The following UBAP2 variants were observed in gnomAD, a reference collection of about 807,000 sequenced individuals.
UBAP2 encodes the protein ubiquitin-associated protein 2.
In UBAP2, 75 loss-of-function variants were observed where a neutral mutation model predicts 139.6. The ratio of observed to expected loss-of-function variants is 0.54; its 90% CI spans 0.45 to 0.65. The LOEUF (loss-of-function observed/expected upper bound fraction) is 0.65. Among genes scored for constraint, UBAP2 ranks in the 30% least tolerant of loss-of-function variants. The pLI is 0.00. For synonymous variants in UBAP2, 526 were observed against 526.2 expected (o/e 1.00, Z 0.01); for missense variants, 1,368 against 1,369.6 (o/e 1.00, Z 0.02).
At chr9:34,042,252 G>A (rs1357803843) in intron 1 of UBAP2, among the ~76,000 whole-genome samples, 2 of 150,900 alleles carry the variant, frequency 1.3e-5, no homozygotes, top group Non-Finnish European at 3.0e-5. Context: ...GCTCAGGTGG[G>A]CGGATCATGA....
rs1169413179 is a variant in UBAP2, at chr9:34,002,514, A to G, written c.100-3650T>C. ...TGCCTCAGCCTCCTGAATAGCTAGG[A>G]TTACAGGTGCATGCCACCACGCCTG... On this transcript the variant is annotated intron_variant, in intron 2 of 28. Coordinates refer to ENST00000379238, the MANE Select transcript of UBAP2 (RefSeq NM_001370062.2). Among the ~76,000 whole-genome samples, 4 of 151,166 alleles carry G rather than the reference A, an allele frequency of 2.6e-5. No homozygotes were observed. In the Admixed American group the frequency reaches 2.6e-4, roughly 10 times the overall value.
Position 34,047,370 on chromosome 9 carries a change from G to T in UBAP2, c.-42+1455C>A, listed in dbSNP as rs146634288. 1.2e-3 allele frequency among the ~76,000 whole-genome samples: 184 copies of T among 152,282 alleles called. 1 individual carries two copies. The highest frequency in any genetic ancestry group is 0.011 in the Admixed American group (164 of 15,284). On this transcript the variant is annotated intron_variant, in intron 1 of 28. Coordinates refer to ENST00000379238, the MANE Select transcript of UBAP2 (RefSeq NM_001370062.2). Reference sequence around the variant, plus strand: ...CAACCCTAGCGAAGGGGCTCCACAGGTGAGTGTATTGAAGGAAACTATCAT... The same window carrying T: ...CAACCCTAGCGAAGGGGCTCCACAGTTGAGTGTATTGAAGGAAACTATCAT...
chr9:34,047,104 C>T (rs930633149), intron 1 of UBAP2, among the ~76,000 whole-genome samples: 2 of 152,102 alleles, frequency 1.3e-5, no homozygotes, highest in Non-Finnish European at 2.9e-5. Context: ...CCACCACTTT[C>T]GGGCATATTT....
intron 1 of UBAP2, among the ~76,000 whole-genome samples, chr9:34,031,348 C>T (rs893882450): frequency 2.0e-5 from 3 of 151,990 alleles, no homozygotes; most frequent in Non-Finnish European, 4.4e-5. Flanking sequence ...ACAAATTTAG[C>T]CAGGCGTGGT....
chr9:33,941,739 C>T lies in UBAP2; in HGVS notation c.1839G>A (p.Met613Ile). ...CAGAACTCTGGTCATAAGAGGAAGACATTGCTACTGGACTAGCAGAATTCA... is the reference window on the plus strand; with the variant it reads ...CAGAACTCTGGTCATAAGAGGAAGATATTGCTACTGGACTAGCAGAATTCA... Reference protein sequence around the residue: ...SSLNSASPVAMSSSYDQSSVH... With the variant: ...SSLNSASPVAISSSYDQSSVH... Residue 613 changes from methionine (M) to isoleucine (I), a missense_variant, in exon 16 of 29, where the codon ATG becomes ATA. Met to Ile is a conservative substitution (Grantham distance 10, BLOSUM62 1). Transcript: ENST00000379238. 1 of 1,614,102 alleles carries T rather than the reference C, an allele frequency of 6.2e-7. No homozygotes were observed.
Position 33,922,541 on chromosome 9 carries a change from T to TTGGAGGC in UBAP2, c.3316_3322dup (p.Lys1108SerfsTer46). ...GTATGGAGAGTTGCCGTAGGCAGGT[T>TTGGAGGC]TGGAGGCTTGAGACTTGGGCTGCAG... On this transcript the variant is annotated frameshift_variant, in exon 29 of 29. Transcript: ENST00000379238. LOFTEE classifies it high-confidence loss of function. The TTGGAGGC allele has an allele frequency of 6.2e-7, 1 of 1,613,956 alleles. No homozygotes were observed. Among genetic ancestry groups the TTGGAGGC allele is most frequent in the Non-Finnish European group, 8.5e-7 (1 of 1,179,982 alleles).
At chr9:34,019,546 T>C (rs1031316883) in intron 1 of UBAP2, among the ~76,000 whole-genome samples, 1 of 151,926 alleles carries the variant, frequency 6.6e-6, no homozygotes, top group Non-Finnish European at 1.5e-5. Context: ...GTATCACAGG[T>C]ATGGAGTTTC....
Position 34,011,584 on chromosome 9 carries a change from G to A in UBAP2, c.99+5466C>T, listed in dbSNP as rs905240949. Reference sequence around the variant, plus strand: ...TTGATAAACAATTCAATAAATATTTGATAAACAAAGCACCAAACATAAGAG... The same window carrying A: ...TTGATAAACAATTCAATAAATATTTAATAAACAAAGCACCAAACATAAGAG... On this transcript the variant is annotated intron_variant, in intron 2 of 28. Transcript: ENST00000379238. 14 of 962,680 alleles carry A rather than the reference G, an allele frequency of 1.5e-5. No individual in the cohort carries two copies. In the African/African-American group the frequency reaches 2.3e-4, roughly 16 times the overall value. 59.6% of individuals were successfully genotyped at this position (962,680 alleles called of 1,614,324 possible). A position where few individuals can be genotyped will look rare whatever the true frequency, so the allele number is the denominator to read the frequency against.
At chr9:33,984,181 G>C (rs1460843948) in intron 6 of UBAP2, among the ~76,000 whole-genome samples, 1 of 149,396 alleles carries the variant, frequency 6.7e-6, no homozygotes, top group Non-Finnish European at 1.5e-5. Flanking sequence ...TGGGATTACA[G>C]GTATGAGCCA....
chr9:33,945,294 C>G (rs1825571054), intron 13 of UBAP2, among the ~76,000 whole-genome samples: 2 of 152,180 alleles, frequency 1.3e-5, no homozygotes, highest in Non-Finnish European at 2.9e-5. Context: ...GTCAGGAGAT[C>G]AAGACCATCC....
In UBAP2 at chr9:33,981,302, G is replaced by GAT. The variant is rs138281383; in HGVS notation, c.520+5456_520+5457dup. Reference sequence around the variant, plus strand: ...ATTCTGGATATATATATATATTCTGGATATATATATATATCTAGAAATACA... The same window carrying GAT: ...ATTCTGGATATATATATATATTCTGGATATATATATATATATCTAGAAATACA... On this transcript the variant is annotated intron_variant, in intron 6 of 28. Transcript: ENST00000379238. Among the ~76,000 whole-genome samples the GAT allele has an allele frequency of 8.4e-3, 354 of 42,286 alleles. 26 individuals carry two copies. The highest frequency in any genetic ancestry group is 0.012 in the Non-Finnish European group (253 of 21,194). 27.7% of individuals were successfully genotyped at this position (42,286 alleles called of 152,430 possible). A position where few individuals can be genotyped will look rare whatever the true frequency, so the allele number is the denominator to read the frequency against.
intron 17 of UBAP2, 63 bp downstream of exon 17, chr9:33,935,776 C>A (rs1824450919): frequency 1.3e-6 from 2 of 1,585,940 alleles, no homozygotes; most frequent in African/African-American, 2.7e-5. Flanking sequence ...ATCACGTGAG[C>A]TATCCTCTTC....
intron 2 of UBAP2, among the ~76,000 whole-genome samples, chr9:34,004,510 C>T (rs965286403): frequency 6.6e-6 from 1 of 151,722 alleles, no homozygotes; most frequent in African/African-American, 2.4e-5. Context: ...AGGCTGGGCG[C>T]AGTGGCTCAC....
intron 1 of UBAP2, among the ~76,000 whole-genome samples, chr9:34,040,238 C>T (rs898940800): frequency 6.8e-6 from 1 of 147,928 alleles, no homozygotes; most frequent in African/African-American, 2.5e-5. Flanking sequence ...GCAGAAGAAT[C>T]CCTTAAACTC....
In UBAP2 at chr9:33,944,773, G is replaced by T; in HGVS notation, c.1271-134C>A. The T allele has an allele frequency of 4.0e-6, 4 of 1,003,294 alleles. No homozygotes were observed. In the South Asian group the frequency reaches 5.2e-5, roughly 13 times the overall value. 62.1% of individuals were successfully genotyped at this position (1,003,294 alleles called of 1,614,324 possible). On this transcript the variant is annotated intron_variant, in intron 13 of 28. Coordinates refer to ENST00000379238, the MANE Select transcript of UBAP2 (RefSeq NM_001370062.2). Reference sequence around the variant, plus strand: ...ATTTCTTAGGTTTTACACACACTATGTGTAACACTTCATTTATGATAAACG... The same window carrying T: ...ATTTCTTAGGTTTTACACACACTATTTGTAACACTTCATTTATGATAAACG...
chr9:33,990,140 G>A (rs1156649107), intron 4 of UBAP2, among the ~76,000 whole-genome samples: 1 of 152,028 alleles, frequency 6.6e-6, no homozygotes, highest in Non-Finnish European at 1.5e-5. Flanking sequence ...ATCAAGCAGG[G>A]TAGTTACAGA....
intron 20 of UBAP2, among the ~76,000 whole-genome samples, 163 bp downstream of exon 20, chr9:33,927,634 A>G (rs1031669515): frequency 6.6e-6 from 1 of 152,244 alleles, no homozygotes; most frequent in Non-Finnish European, 1.5e-5. Flanking sequence ...GGAAGAATTC[A>G]TCCCCATCAG....
chr9:34,016,636 ACCTCTG>A (rs1384884248), intron 2 of UBAP2, among the ~76,000 whole-genome samples: 1 of 151,322 alleles, frequency 6.6e-6, no homozygotes, highest in Non-Finnish European at 1.5e-5. Context: ...GCTCACTGCA[ACCTCTG>A]CCTCCTGAGT....
intron 2 of UBAP2, among the ~76,000 whole-genome samples, chr9:34,015,708 T>A (rs1213855637): frequency 2.0e-5 from 3 of 152,158 alleles, no homozygotes; most frequent in African/African-American, 4.8e-5. Context: ...AGGTTTTTGC[T>A]TTTTTGTTGA....
Sources: gnomAD v4.1 joint callset for allele counts (sites outside exome capture counted in the v4.1 genomes callset) on GRCh38, gnomAD v4.1.1 for gene constraint, MANE v1.5 for transcripts, NCBI Gene and HGNC (gene_info 2026-07-23, HGNC 2026-07-21) for gene names.